Variants in SOX6 observed in about 807,000 individuals in gnomAD.
SOX6 encodes SRY-box transcription factor 6, also known as transcription factor SOX-6.
A neutral mutation model predicts 97.8 loss-of-function variants in SOX6; 11 were observed. The ratio of observed to expected loss-of-function variants is 0.11; its 90% confidence interval spans 0.07 to 0.19. The LOEUF is 0.19. SOX6 is among the 10% of genes least tolerant of loss of function. The pLI, the probability that SOX6 is intolerant of heterozygous loss-of-function variation, is 1.00. For synonymous variants in SOX6, 360 were observed against 371.4 expected, an observed-to-expected ratio of 0.97 and a Z score of 0.35; for missense variants, 810 against 1,039.5, an observed-to-expected ratio of 0.78 and a Z score of 3.04.
intron 8 of SOX6, among the ~76,000 whole-genome samples, chr11:16,096,495 A>G (rs1014906127): frequency 2.6e-5 from 4 of 151,854 alleles, no homozygotes; most frequent in Admixed American, 2.6e-4. Context: ...CGAAATTTCT[A>G]GCTCTGCTAG....
chr11:16,341,194 C>T lies in SOX6; in HGVS notation c.55G>A (p.Ala19Thr), dbSNP rs773497953. 1.9e-6 allele frequency: 3 copies of T among 1,613,486 alleles called. No individual in the cohort carries two copies. Among genetic ancestry groups the T allele is most frequent in the Non-Finnish European group, 2.5e-6 (3 of 1,179,606 alleles). ...PFACAADGED[A>T]MTQDLTSREK... The stretch of plus-strand genomic sequence containing the variant: ...CTTGAGGTTAAATCCTGGGTCATTG[C>T]ATCCTCTCCATCAGCTGCACAGGCA... Residue 19 changes from alanine to threonine, a missense_variant, in exon 2 of 16, where the codon GCA (alanine) becomes ACA (threonine). Around this residue, in one of 9 missense-constraint regions of SOX6, gnomAD observed 100 missense variants for 94.6 expected, o/e 1.06. Transcript: ENST00000683767.
chr11:16,108,702 G>A (rs768234547), intron 7 of SOX6, among the ~76,000 whole-genome samples: 1 of 152,190 alleles, frequency 6.6e-6, no homozygotes, highest in Non-Finnish European at 1.5e-5. Context: ...TCTGAAAGAT[G>A]CTGTCCTGGA....
chr11:16,249,378 G>A (rs1378818129), intron 3 of SOX6, among the ~76,000 whole-genome samples: 1 of 152,176 alleles, frequency 6.6e-6, no homozygotes, highest in Non-Finnish European at 1.5e-5. Context: ...CAAAACAAGA[G>A]TCACCTTTGC....
intron 6 of SOX6, among the ~76,000 whole-genome samples, chr11:16,155,742 C>T (rs1427722086): frequency 6.6e-6 from 1 of 152,100 alleles, no homozygotes; most frequent in Non-Finnish European, 1.5e-5. Context: ...GTCTCTATTG[C>T]TTTCCCATGC....
chr11:16,352,800 G>A (rs569287642), intron 1 of SOX6, among the ~76,000 whole-genome samples: 4 of 152,066 alleles, frequency 2.6e-5, no homozygotes. Flanking sequence ...TACAGTTTGA[G>A]ATATGTAATT....
chr11:16,168,122 A>G (rs1850933418), intron 6 of SOX6, among the ~76,000 whole-genome samples: 1 of 152,206 alleles, frequency 6.6e-6, no homozygotes, highest in Non-Finnish European at 1.5e-5. Flanking sequence ...TTGGAAAGGG[A>G]CAAACTAAAG....
intron 7 of SOX6, among the ~76,000 whole-genome samples, chr11:16,100,449 A>C (rs574883650): frequency 6.6e-6 from 1 of 151,874 alleles, no homozygotes; most frequent in African/African-American, 2.4e-5. Context: ...TTCAACTGAC[A>C]GTTTTTATCA....
intron 13 of SOX6, among the ~76,000 whole-genome samples, chr11:16,008,299 A>G (rs1854616186): frequency 6.6e-6 from 1 of 152,158 alleles, no homozygotes. Context: ...TTGCAGATAC[A>G]GACGGCAGAC....
At chr11:16,012,140 A>C (rs1854750535) in intron 13 of SOX6, among the ~76,000 whole-genome samples, 1 of 151,934 alleles carries the variant, frequency 6.6e-6, no homozygotes, top group Non-Finnish European at 1.5e-5. Flanking sequence ...GGAGCAAATA[A>C]TTTTTTTAGT....
intron 13 of SOX6, among the ~76,000 whole-genome samples, chr11:16,014,414 T>G (rs1854822008): frequency 6.6e-6 from 1 of 152,062 alleles, no homozygotes; most frequent in Non-Finnish European, 1.5e-5. Context: ...CTGCAAACTA[T>G]CATTTAATCC....
chr11:16,265,916 TA>T (rs34752397), intron 3 of SOX6, among the ~76,000 whole-genome samples: 143,919 of 151,458 alleles, frequency 0.95, 68,788 homozygotes, highest in East Asian at 1. Flanking sequence ...ACAGAAAATG[TA>T]AAAAAAAATG....
intron 9 of SOX6, among the ~76,000 whole-genome samples, chr11:16,085,992 C>T (rs1848568970): frequency 6.6e-6 from 1 of 152,178 alleles, no homozygotes; most frequent in Admixed American, 6.5e-5. Context: ...TAAAGGTCTT[C>T]CTTCTCCTCA....
chr11:16,098,099 A>C (rs939777821), intron 7 of SOX6, among the ~76,000 whole-genome samples: 1 of 151,846 alleles, frequency 6.6e-6, no homozygotes, highest in African/African-American at 2.4e-5. Context: ...ATTAGAGTCC[A>C]AAAAGGGCTC....
intron 4 of SOX6, among the ~76,000 whole-genome samples, chr11:16,598,640 T>C (rs1369066864): frequency 2.0e-5 from 3 of 147,570 alleles, no homozygotes; most frequent in African/African-American, 5.0e-5. Flanking sequence ...TGGGAATGAG[T>C]ATGCTCTTTA....
chr11:16,160,783 T>C (rs2134069463), intron 6 of SOX6, among the ~76,000 whole-genome samples: 1 of 152,346 alleles, frequency 6.6e-6, no homozygotes, highest in Non-Finnish European at 1.5e-5. Context: ...CCCAGGGGGC[T>C]AATTATTTCT....
chr11:16,064,186 C>G (rs1194684605), intron 9 of SOX6, among the ~76,000 whole-genome samples: 1 of 151,418 alleles, frequency 6.6e-6, no homozygotes, highest in Admixed American at 6.6e-5. Context: ...AAAAATTAAC[C>G]CCACATTAAT....
intron 1 of SOX6, among the ~76,000 whole-genome samples, chr11:16,352,364 G>T (rs1856972364): frequency 6.6e-6 from 1 of 151,986 alleles, no homozygotes; most frequent in Admixed American, 6.6e-5. Flanking sequence ...TAGATGCTTA[G>T]AAAGTACCAG....
At chr11:16,623,759 C>T (rs980490453) in intron 3 of SOX6, among the ~76,000 whole-genome samples, 4 of 152,118 alleles carry the variant, frequency 2.6e-5, no homozygotes, top group African/African-American at 9.7e-5. Context: ...GATGAGGATC[C>T]AAATTCATTC....
intron 6 of SOX6, among the ~76,000 whole-genome samples, chr11:16,145,271 G>T (rs1354672838): frequency 1.3e-5 from 2 of 152,148 alleles, no homozygotes; most frequent in Admixed American, 1.3e-4. Flanking sequence ...CTCAATAGAT[G>T]CAGAAAAGGC....
Sources: gnomAD v4.1 joint callset for allele counts (sites outside exome capture counted in the v4.1 genomes callset) on GRCh38, gnomAD v4.1.1 for gene constraint, gnomAD v4.1.1 regional missense constraint, MANE v1.5 for transcripts, NCBI Gene and HGNC (gene_info 2026-07-23, HGNC 2026-07-21) for gene names.